ZNF706: variants seen among roughly 807,000 people sequenced by gnomAD.
ZNF706 encodes zinc finger protein 706.
ZNF706 carries 4 observed loss-of-function variants against 9.2 expected under a neutral mutation model. The ratio of observed to expected loss-of-function variants is 0.43; its 90% CI spans 0.21 to 0.99. The LOEUF (loss-of-function observed/expected upper bound fraction) is 0.99, where lower values mean the gene tolerates loss of function less well. Ranked by LOEUF, ZNF706 falls within the 50% of genes least tolerant of loss-of-function variation. ZNF706 has a pLI of 0.26. For missense variants in ZNF706, 27 were observed against 87.8 expected, an observed-to-expected ratio of 0.31 and a Z score of 2.77; for synonymous variants, 28 against 27.3, an observed-to-expected ratio of 1.03 and a Z score of -0.08.
upstream of ZNF706, chr8:101,205,817 C>T (rs1473186894): frequency 6.6e-6 from 1 of 152,330 alleles, no homozygotes; most frequent in Admixed American, 6.5e-5. This position sits in a 1 kb window ranked among gnomAD's most constrained non-coding sequence, Gnocchi z 6.6. Flanking sequence ...GCCCCTATTA[C>T]ATAAGCGCGA....
intron 1 of ZNF706, chr8:101,204,925 G>A (rs1010703612): frequency 5.1e-6 from 5 of 985,498 alleles, no homozygotes; most frequent in African/African-American, 3.5e-5. Flanking sequence ...GTTTTGGGGA[G>A]AGGAGAGGAG....
In ZNF706 at chr8:101,201,756, G is replaced by A; in HGVS notation, c.-2-13C>T. On this transcript the variant is annotated splice_polypyrimidine_tract_variant and intron_variant, in intron 1 of 3. Transcript: ENST00000311212. This position sits in a 1 kb window ranked among gnomAD's most constrained non-coding sequence, Gnocchi z 4.5. ...CCACGAGCCATATCTAAAAACAGAAGGTGAAGCATTAGAGTGGCTTATTTA... is the reference window on the plus strand; with the variant it reads ...CCACGAGCCATATCTAAAAACAGAAAGTGAAGCATTAGAGTGGCTTATTTA... The A allele has an allele frequency of 3.1e-6, 5 of 1,613,832 alleles. No homozygotes were observed. The highest frequency in any genetic ancestry group is 1.1e-5 in the South Asian group (1 of 91,072).
intron 3 of ZNF706, 24 bp downstream of exon 3, chr8:101,199,966 C>A: frequency 6.5e-7 from 1 of 1,534,584 alleles, no homozygotes; most frequent in Non-Finnish European, 9.0e-7. Context: ...TATTAACAAA[C>A]CAATAGAAAA....
At chr8:101,199,446 A>AG (rs1486623071) in intron 3 of ZNF706, among the ~76,000 whole-genome samples, 1 of 152,014 alleles carries the variant, frequency 6.6e-6, no homozygotes, top group Non-Finnish European at 1.5e-5. Context: ...TCCACTATTT[A>AG]GGGGGAAAAA....
In ZNF706 at chr8:101,198,978, C is replaced by T. The variant is rs1314779235; in HGVS notation, c.*274G>A. The stretch of plus-strand genomic sequence containing the variant: ...CTATTTTATTAAATGAGTTATTTTA[C>T]ACAATATGAACATCAATATAATTAC... On this transcript the variant is annotated 3_prime_UTR_variant, in exon 4 of 4. Transcript: ENST00000311212. The T allele has an allele frequency of 7.9e-6, 3 of 380,168 alleles. No homozygotes were observed. The highest frequency in any genetic ancestry group is 8.7e-5 in the Admixed American group (2 of 23,050). 23.5% of individuals were successfully genotyped at this position (380,168 alleles called of 1,614,324 possible). A position where few individuals can be genotyped will look rare whatever the true frequency, so the allele number is the denominator to read the frequency against.
In ZNF706 at chr8:101,205,610, C is replaced by G. The variant is rs1415317962; in HGVS notation, c.-178G>C. 6.4e-6 allele frequency: 1 copy of G among 157,150 alleles called. No homozygotes were observed. Among genetic ancestry groups the G allele is most frequent in the Non-Finnish European group, 1.4e-5 (1 of 72,386 alleles). 9.7% of individuals were successfully genotyped at this position (157,150 alleles called of 1,614,324 possible). A position where few individuals can be genotyped will look rare whatever the true frequency, so the allele number is the denominator to read the frequency against. On this transcript the variant is annotated 5_prime_UTR_variant, in exon 1 of 4. Transcript: ENST00000311212. The surrounding 1 kb of genome is among the most constrained non-coding windows in gnomAD (Gnocchi z 6.6). ...CAGCCTCGCACGCCCGCCGCCGCCGCGCGCCCGCCGCCGCCTCAGCCTTAG... is the reference window on the plus strand; with the variant it reads ...CAGCCTCGCACGCCCGCCGCCGCCGGGCGCCCGCCGCCGCCTCAGCCTTAG...
intron 2 of ZNF706, chr8:101,200,748 T>TGTATATGTA (rs975564897): frequency 5.9e-5 from 9 of 153,454 alleles, no homozygotes; most frequent in African/African-American, 2.2e-4. Flanking sequence ...TTATTTTGAG[T>TGTATATGTA]GTATATGTAG....
In ZNF706 at chr8:101,205,094, C is replaced by T. The variant is rs1210423236; in HGVS notation, c.-3+341G>A. ...CCCCCATCTAGCCAGTCCTCACGGA[C>T]CCTGGACCAAGACGCGCCTCCTGGA... On this transcript the variant is annotated intron_variant, in intron 1 of 3. Transcript: ENST00000311212. This position sits in a 1 kb window ranked among gnomAD's most constrained non-coding sequence, Gnocchi z 6.6. The T allele has an allele frequency of 4.0e-5, 11 of 273,708 alleles. No individual in the cohort carries two copies. The highest frequency in any genetic ancestry group is 6.1e-5 in the Non-Finnish European group (11 of 179,448). 17.0% of individuals were successfully genotyped at this position (273,708 alleles called of 1,614,324 possible).
Position 101,201,823 on chromosome 8 carries a change from T to C in ZNF706, c.-2-80A>G, listed in dbSNP as rs1202766019. The C allele has an allele frequency of 4.9e-6, 7 of 1,430,700 alleles. No individual in the cohort carries two copies. Among genetic ancestry groups the C allele is most frequent in the South Asian group, 1.3e-5 (1 of 75,992 alleles). The allele number at this position is 1,430,700 out of a possible 1,614,324, so 88.6% of individuals were successfully genotyped here. ...TCAAAGCATAAGAACGTTCTTAGAA[T>C]TGAAGCCTTAAGTTTTATAGAAATA... is the stretch of plus-strand genomic sequence containing the variant. On this transcript the variant is annotated intron_variant, in intron 1 of 3. Coordinates refer to ENST00000311212, the MANE Select transcript of ZNF706 (RefSeq NM_016096.5). This position sits in a 1 kb window ranked among gnomAD's most constrained non-coding sequence, Gnocchi z 4.5.
At chr8:101,202,430 C>T (rs952715089) in intron 1 of ZNF706, 1 of 152,094 alleles carries the variant, frequency 6.6e-6, no homozygotes, top group African/African-American at 2.4e-5. Context: ...GCACTGCAGC[C>T]TGGGCGACAG....
Position 101,205,594 on chromosome 8 carries a change from A to G in ZNF706, c.-162T>C, listed in dbSNP as rs150864656. 1.3e-4 allele frequency: 19 copies of G among 151,548 alleles called. No homozygotes were observed. In the East Asian group the frequency reaches 1.4e-3, roughly 11 times the overall value. The allele number at this position is 151,548 out of a possible 1,614,324, so 9.4% of individuals were successfully genotyped here. A position where few individuals can be genotyped will look rare whatever the true frequency, so the allele number is the denominator to read the frequency against. ...AGAGCCGGGAGCACAACAGCCTCGC[A>G]CGCCCGCCGCCGCCGCGCGCCCGCC... On this transcript the variant is annotated 5_prime_UTR_variant, in exon 1 of 4. Coordinates refer to ENST00000311212, the MANE Select transcript of ZNF706 (RefSeq NM_016096.5). The surrounding 1 kb of genome is among the most constrained non-coding windows in gnomAD (Gnocchi z 6.6).
chr8:101,203,412 C>T (rs1810636429), intron 1 of ZNF706: 1 of 152,018 alleles, frequency 6.6e-6, no homozygotes, highest in African/African-American at 2.4e-5. Context: ...ATCAACTTCA[C>T]CAGGGAAGGG....
rs180941614 is a variant in ZNF706, at chr8:101,197,476, A to G, written c.*1776T>C. The G allele has an allele frequency of 9.7e-4, 147 of 152,298 alleles. No individual in the cohort carries two copies. Among genetic ancestry groups the G allele is most frequent in the African/African-American group, 3.4e-3 (140 of 41,558 alleles). The allele number at this position is 152,298 out of a possible 1,614,324, so 9.4% of individuals were successfully genotyped here. On this transcript the variant is annotated 3_prime_UTR_variant, in exon 4 of 4. Transcript: ENST00000311212. ...TATGGTGTCTTCAGCTGCTTATAAAAAAGGGTTAAATACAAGAACAAAAAA... is the reference window on the plus strand; with the variant it reads ...TATGGTGTCTTCAGCTGCTTATAAAGAAGGGTTAAATACAAGAACAAAAAA...
chr8:101,204,913 T>G (rs1422041543), intron 1 of ZNF706: 5 of 985,326 alleles, frequency 5.1e-6, no homozygotes, highest in African/African-American at 1.8e-5. Context: ...TTTAACACCA[T>G]CGTTTTGGGG....
At position 101,198,346 on chromosome 8, in the gene ZNF706, T is replaced by C. The variant is rs1396538555; in HGVS notation, c.*906A>G. The C allele has an allele frequency of 6.6e-6, 1 of 152,162 alleles. No homozygotes were observed. Among genetic ancestry groups the C allele is most frequent in the Non-Finnish European group, 1.5e-5 (1 of 68,020 alleles). 9.4% of individuals were successfully genotyped at this position (152,162 alleles called of 1,614,324 possible). A position where few individuals can be genotyped will look rare whatever the true frequency, so the allele number is the denominator to read the frequency against. Reference sequence around the variant, plus strand: ...ATCTTCCTGTTAATGCAAAATCCATTTGTAAAAATGGCCAAATAGTAACTT... The same window carrying C: ...ATCTTCCTGTTAATGCAAAATCCATCTGTAAAAATGGCCAAATAGTAACTT... On this transcript the variant is annotated 3_prime_UTR_variant, in exon 4 of 4. Coordinates refer to ENST00000311212, the MANE Select transcript of ZNF706 (RefSeq NM_016096.5).
chr8:101,198,216 T>C lies in ZNF706; in HGVS notation c.*1036A>G, dbSNP rs1478988320. 1 of 152,204 alleles carries C rather than the reference T, an allele frequency of 6.6e-6. No homozygotes were observed. 9.4% of individuals were successfully genotyped at this position (152,204 alleles called of 1,614,324 possible). A position where few individuals can be genotyped will look rare whatever the true frequency, so the allele number is the denominator to read the frequency against. Reference sequence around the variant, plus strand: ...GGAAGTCATACTGTACACCAGTCTCTGATTTTAGGTAACAGCACAAAGCAA... The same window carrying C: ...GGAAGTCATACTGTACACCAGTCTCCGATTTTAGGTAACAGCACAAAGCAA... On this transcript the variant is annotated 3_prime_UTR_variant, in exon 4 of 4. Coordinates refer to ENST00000311212, the MANE Select transcript of ZNF706 (RefSeq NM_016096.5).
Position 101,201,725 on chromosome 8 carries a change from T to C in ZNF706, c.17A>G (p.Gln6Arg). 1 of 1,614,088 alleles carries C rather than the reference T, an allele frequency of 6.2e-7. No individual in the cohort carries two copies. The highest frequency in any genetic ancestry group is 8.5e-7 in the Non-Finnish European group (1 of 1,180,030). MARGQ[Q>R]KIQSQQKNAK... Reference sequence around the variant, plus strand: ...ATTTTTCTGCTGAGACTGAATTTTCTGCTGTCCACGAGCCATATCTAAAAA... The same window carrying C: ...ATTTTTCTGCTGAGACTGAATTTTCCGCTGTCCACGAGCCATATCTAAAAA... Residue 6 changes from glutamine (Q) to arginine (R), a missense_variant, in exon 2 of 4, where the codon CAG becomes CGG. Physicochemically the swap from Gln to Arg is conservative, Grantham distance 43. Transcript: ENST00000311212. The surrounding 1 kb of genome is among the most constrained non-coding windows in gnomAD (Gnocchi z 4.5).
chr8:101,199,346 A>T lies in ZNF706; in HGVS notation c.*13-107T>A, dbSNP rs917820197. 9.2e-6 allele frequency: 6 copies of T among 654,898 alleles called. No homozygotes were observed. The Admixed American group carries it at 1.2e-4, about 13-fold the overall frequency. The allele number at this position is 654,898 out of a possible 1,614,324, so 40.6% of individuals were successfully genotyped here. A position where few individuals can be genotyped will look rare whatever the true frequency, so the allele number is the denominator to read the frequency against. On this transcript the variant is annotated intron_variant, in intron 3 of 3. Transcript: ENST00000311212. ...AACACTATGAAGATAATATCTGGTAAACTTGTCAACTCGACTTTATATACA... is the reference window on the plus strand; with the variant it reads ...AACACTATGAAGATAATATCTGGTATACTTGTCAACTCGACTTTATATACA...
At chr8:101,200,195 C>T in intron 2 of ZNF706, 98 bp from the exon 3 acceptor site, 1 of 884,100 alleles carries the variant, frequency 1.1e-6, no homozygotes, top group Non-Finnish European at 1.8e-6. Context: ...AGACAATTAT[C>T]CCAAAAACAC....
Sources: gnomAD v4.1 joint callset for allele counts (sites outside exome capture counted in the v4.1 genomes callset) on GRCh38, gnomAD v4.1.1 for gene constraint, Gnocchi (gnomAD v3.1) non-coding constraint, MANE v1.5 for transcripts, NCBI Gene and HGNC (gene_info 2026-07-23, HGNC 2026-07-21) for gene names.